STK33: variants seen among roughly 807,000 people sequenced by gnomAD.
STK33 encodes the protein serine/threonine kinase 33.
A neutral mutation model predicts 58.0 loss-of-function variants in STK33; 52 were observed. The ratio of observed to expected loss-of-function variants is 0.90; its 90% CI spans 0.72 to 1.13. The LOEUF (loss-of-function observed/expected upper bound fraction) is 1.13, where lower values mean the gene tolerates loss of function less well. Ranked by LOEUF, STK33 falls within the 50% of genes most tolerant of loss-of-function variation. STK33 has a pLI of 0.00. For missense variants in STK33, 630 were observed against 604.2 expected (o/e 1.04, Z -0.45); for synonymous variants, 215 against 200.1 (o/e 1.07, Z -0.63).
intron 15 of STK33, among the ~76,000 whole-genome samples, chr11:8,411,389 AAT>A (rs1187102069): frequency 6.6e-6 from 1 of 152,234 alleles, no homozygotes; most frequent in Non-Finnish European, 1.5e-5. Flanking sequence ...ATTTTCCCAT[AAT>A]GTCCGAGGCA....
the STK33 span, among the ~76,000 whole-genome samples, chr11:8,341,725 A>T: frequency 1.3e-5 from 2 of 152,168 alleles, no homozygotes; most frequent in Non-Finnish European, 2.9e-5. Context: ...GTCAGACCCA[A>T]ATGTAACCCC....
intron 1 of STK33, among the ~76,000 whole-genome samples, chr11:8,524,292 A>G (rs1953835803): frequency 6.6e-6 from 1 of 152,324 alleles, no homozygotes; most frequent in African/African-American, 2.4e-5. Flanking sequence ...CCTCTCCGAG[A>G]AACACCCAAG....
intron 1 of STK33, among the ~76,000 whole-genome samples, chr11:8,506,936 C>T (rs1177377984): frequency 6.6e-6 from 1 of 152,132 alleles, no homozygotes; most frequent in Non-Finnish European, 1.5e-5. Context: ...CACATGCTAG[C>T]CATGGGGCAT....
chr11:8,370,486 C>G, the STK33 span, among the ~76,000 whole-genome samples: 1 of 152,148 alleles, frequency 6.6e-6, no homozygotes, highest in Non-Finnish European at 1.5e-5. Flanking sequence ...CACGATCCAC[C>G]CTGCCAGGCC....
the STK33 span, among the ~76,000 whole-genome samples, chr11:8,372,266 T>C: frequency 2.0e-5 from 3 of 151,632 alleles, no homozygotes; most frequent in South Asian, 2.1e-4. Context: ...CCAAGTTCTA[T>C]GAACACCAAT....
chr11:8,468,612 T>C (rs1433231150), intron 6 of STK33, among the ~76,000 whole-genome samples: 1 of 152,204 alleles, frequency 6.6e-6, no homozygotes, highest in Non-Finnish European at 1.5e-5. Context: ...TATTTTTTTT[T>C]CTTCCAAGAT....
intron 11 of STK33, among the ~76,000 whole-genome samples, chr11:8,449,329 C>T (rs932786533): frequency 1.3e-5 from 2 of 151,640 alleles, no homozygotes; most frequent in African/African-American, 2.4e-5. Context: ...AAGACACATG[C>T]ACACATATGT....
chr11:8,343,054 A>G, the STK33 span, among the ~76,000 whole-genome samples: 13 of 152,392 alleles, frequency 8.5e-5, no homozygotes, highest in South Asian at 2.5e-3. Context: ...AAGGACTTGA[A>G]CTTAAACCAC....
At chr11:8,363,115 G>T in the STK33 span, among the ~76,000 whole-genome samples, 1 of 152,108 alleles carries the variant, frequency 6.6e-6, no homozygotes, top group Non-Finnish European at 1.5e-5. Context: ...GAAGATTAGC[G>T]CTGAGAAGTC....
chr11:8,560,556 T>C (rs918594947), intron 1 of STK33, among the ~76,000 whole-genome samples: 1 of 152,208 alleles, frequency 6.6e-6, no homozygotes, highest in Non-Finnish European at 1.5e-5. Flanking sequence ...TAAAAGCTTT[T>C]AGTTTTTATG....
intron 1 of STK33, among the ~76,000 whole-genome samples, chr11:8,577,471 A>C (rs1418413899): frequency 6.6e-6 from 1 of 152,168 alleles, no homozygotes; most frequent in Admixed American, 6.5e-5. Flanking sequence ...GCTACATGCT[A>C]TAAGCAGAAT....
At chr11:8,519,244 G>T (rs1014241269) in intron 1 of STK33, among the ~76,000 whole-genome samples, 8 of 152,232 alleles carry the variant, frequency 5.3e-5, no homozygotes, top group African/African-American at 1.9e-4. Context: ...AATGACTACT[G>T]GGTACATAAC....
At chr11:8,571,990 TA>T (rs1957851035) in intron 1 of STK33, among the ~76,000 whole-genome samples, 2 of 149,634 alleles carry the variant, frequency 1.3e-5, no homozygotes, top group African/African-American at 4.8e-5. Context: ...AATTAAATTT[TA>T]ATTTTAAAAA....
chr11:8,401,745 A>C (rs1195747030), intron 15 of STK33, among the ~76,000 whole-genome samples: 2 of 152,252 alleles, frequency 1.3e-5, no homozygotes, highest in African/African-American at 4.8e-5. Flanking sequence ...AATATCCAGA[A>C]TCTATAATGA....
chr11:8,415,581 C>A (rs1940997925), intron 14 of STK33, among the ~76,000 whole-genome samples: 2 of 152,088 alleles, frequency 1.3e-5, no homozygotes, highest in African/African-American at 2.4e-5. Flanking sequence ...CTCCTCCCAG[C>A]CAATTGGTCA....
intron 14 of STK33, among the ~76,000 whole-genome samples, chr11:8,419,883 T>C (rs1030629616): frequency 1.1e-4 from 16 of 152,182 alleles, no homozygotes; most frequent in Admixed American, 4.6e-4. Flanking sequence ...TGAGAGGGAA[T>C]GAGAGAATGA....
intron 2 of STK33, among the ~76,000 whole-genome samples, chr11:8,479,153 G>T (rs143052438): frequency 0.053 from 8,065 of 152,202 alleles, 289 homozygotes; most frequent in Non-Finnish European, 0.071. Context: ...GGTGGCTCAC[G>T]CCTGTAATCC....
chr11:8,512,982 T>C (rs888522239), intron 1 of STK33, among the ~76,000 whole-genome samples: 4 of 152,226 alleles, frequency 2.6e-5, no homozygotes, highest in Non-Finnish European at 5.9e-5. Flanking sequence ...GTAGCCCAAA[T>C]AGAGAAAAAA....
chr11:8,574,105 CCT>C, intron 1 of STK33, among the ~76,000 whole-genome samples: 1 of 151,546 alleles, frequency 6.6e-6, no homozygotes, highest in South Asian at 2.1e-4. Context: ...TCCCTCCCTC[CCT>C]ATCCCCACTC....
Sources: allele counts gnomAD v4.1 joint callset (sites outside exome capture counted in the v4.1 genomes callset), GRCh38; gene constraint gnomAD v4.1.1; transcripts MANE v1.5; gene names NCBI Gene and HGNC (gene_info 2026-07-23, HGNC 2026-07-21).